The following GRK5 variants were observed in gnomAD, a reference collection of about 807,000 sequenced individuals.
GRK5 encodes G protein-coupled receptor kinase 5, also known as g protein-coupled receptor kinase GRK5.
In GRK5, 40 loss-of-function variants were observed where a neutral mutation model predicts 78.4. That is an observed-to-expected ratio of 0.51 (90% CI 0.40 to 0.66). GRK5 has a LOEUF of 0.66. Ranked by LOEUF, GRK5 falls within the 30% of genes least tolerant of loss-of-function variation. The probability of loss-of-function intolerance (pLI) is 0.00; values close to 1 mark genes in which losing one functional copy is unlikely to be tolerated. For synonymous variants in GRK5, 289 were observed against 296.8 expected (o/e 0.97, Z 0.27); for missense variants, 598 against 759.9 (o/e 0.79, Z 2.50).
intron 2 of GRK5, chr10:119,330,209 A>G (rs1250552005): frequency 2.0e-5 from 3 of 152,088 alleles, no homozygotes; most frequent in Non-Finnish European, 4.4e-5. Flanking sequence ...GCTTTAACAA[A>G]TACCCACAGA....
chr10:119,321,394 T>A (rs1188959145), intron 1 of GRK5, among the ~76,000 whole-genome samples: 2 of 152,108 alleles, frequency 1.3e-5, no homozygotes, highest in Non-Finnish European at 1.5e-5. Context: ...CTCAGTGAGT[T>A]AAAGTCAAGG....
rs1032356206 is a variant in GRK5 at position 119,264,356 on chromosome 10, G to A, written c.52+56387G>A. Among the ~76,000 whole-genome samples, 8 of 152,182 alleles carry A rather than the reference G, an allele frequency of 5.3e-5. No individual in the cohort carries two copies. The highest frequency in any genetic ancestry group is 7.3e-5 in the Non-Finnish European group (5 of 68,032). On this transcript the variant is annotated intron_variant, in intron 1 of 15. Coordinates refer to ENST00000392870, the MANE Select transcript of GRK5 (RefSeq NM_005308.3). The surrounding 1 kb of genome is among the most constrained non-coding windows in gnomAD (Gnocchi z 4.1). The stretch of plus-strand genomic sequence containing the variant: ...ACATGTGCTTGGGAAGTTGAGTCCT[G>A]GGTGGGGCTCAAGTCCTACCATCTG...
chr10:119,224,874 A>G (rs764550014), intron 1 of GRK5, among the ~76,000 whole-genome samples: 63 of 152,340 alleles, frequency 4.1e-4, no homozygotes, highest in Non-Finnish European at 7.2e-4. Flanking sequence ...CTCCTCTCCA[A>G]GCAAAACCAT....
chr10:119,209,067 C>T (rs1413028429), intron 1 of GRK5, among the ~76,000 whole-genome samples: 2 of 152,140 alleles, frequency 1.3e-5, no homozygotes, highest in Non-Finnish European at 2.9e-5. Context: ...CGGTGAGCAG[C>T]CCATGAAAAT....
In GRK5 at chr10:119,436,823, G is replaced by A. The variant is rs2230349; in HGVS notation, c.911G>A (p.Arg304His). 172,437 of 1,608,038 alleles carry A rather than the reference G, an allele frequency of 0.11. 10,752 individuals carry two copies. The highest frequency in any genetic ancestry group is 0.26 in the East Asian group (11,534 of 44,748). The change falls in exon 9 of 16, where the codon CGT becomes CAT. Residue 304 changes from arginine to histidine, a missense_variant. Physicochemically the swap from Arg to His is conservative, Grantham distance 29. Transcript: ENST00000392870. ...CTCTGCGGCTTAGAAGACCTCCACCGTGAGAACACCGTCTACCGGTGAGTG... is the reference window on the plus strand; with the variant it reads ...CTCTGCGGCTTAGAAGACCTCCACCATGAGAACACCGTCTACCGGTGAGTG... ...EILCGLEDLH[R>H]ENTVYRDLKP...
intron 1 of GRK5, among the ~76,000 whole-genome samples, chr10:119,218,904 T>C (rs1326357170): frequency 6.9e-6 from 1 of 144,140 alleles, no homozygotes; most frequent in Non-Finnish European, 1.5e-5. Context: ...TGAAACTTTT[T>C]TTTTTTTTTT....
chr10:119,316,650 C>T (rs1850492249), intron 1 of GRK5, among the ~76,000 whole-genome samples: 1 of 152,200 alleles, frequency 6.6e-6, no homozygotes, highest in Non-Finnish European at 1.5e-5. Flanking sequence ...AAAAGATACC[C>T]AAACCCTTGA....
chr10:119,369,423 A>G (rs776681561), intron 2 of GRK5, among the ~76,000 whole-genome samples: 5 of 152,186 alleles, frequency 3.3e-5, no homozygotes, highest in Non-Finnish European at 7.4e-5. Context: ...CAGGCCACGC[A>G]GGGTAAAACA....
intron 3 of GRK5, among the ~76,000 whole-genome samples, chr10:119,391,313 C>G (rs1377705368): frequency 6.6e-6 from 1 of 151,942 alleles, no homozygotes; most frequent in East Asian, 1.9e-4. Context: ...CCCTGGGGGA[C>G]ACCCCCATCA....
chr10:119,221,899 A>G (rs542041917), intron 1 of GRK5, among the ~76,000 whole-genome samples: 210 of 152,270 alleles, frequency 1.4e-3, no homozygotes, highest in African/African-American at 4.7e-3. Flanking sequence ...TATGGTATTC[A>G]AAGTTTGAAT....
chr10:119,223,575 A>C (rs905827411), intron 1 of GRK5, among the ~76,000 whole-genome samples: 1 of 152,056 alleles, frequency 6.6e-6, no homozygotes, highest in Non-Finnish European at 1.5e-5. Context: ...GGGTCCCCAA[A>C]TAGGACTCTG....
chr10:119,392,858 C>A (rs1375677403), intron 3 of GRK5, among the ~76,000 whole-genome samples: 1 of 152,230 alleles, frequency 6.6e-6, no homozygotes, highest in African/African-American at 2.4e-5. Flanking sequence ...TCATTGAAAT[C>A]ATTGGCTGCT....
At chr10:119,386,414 AGCCAC>A (rs1443773058) in intron 3 of GRK5, among the ~76,000 whole-genome samples, 4 of 152,210 alleles carry the variant, frequency 2.6e-5, no homozygotes, top group African/African-American at 9.6e-5. Context: ...GGAATTTTCC[AGCCAC>A]GTGTTTTGTT....
chr10:119,360,320 C>T (rs914430865), intron 2 of GRK5, among the ~76,000 whole-genome samples: 2 of 152,242 alleles, frequency 1.3e-5, no homozygotes, highest in Non-Finnish European at 2.9e-5. Flanking sequence ...GTGCCTTTGG[C>T]TTCTCTTTAG....
intron 4 of GRK5, among the ~76,000 whole-genome samples, chr10:119,416,609 G>A (rs1398608824): frequency 6.8e-6 from 1 of 148,012 alleles, no homozygotes; most frequent in Non-Finnish European, 1.5e-5. Flanking sequence ...TTTTTAATTT[G>A]AGACTGCTTC....
chr10:119,431,838 G>C lies in GRK5; in HGVS notation c.738+311G>C, dbSNP rs1223496343. On this transcript the variant is annotated intron_variant, in intron 8 of 15. Transcript: ENST00000392870. This position sits in a 1 kb window ranked among gnomAD's most constrained non-coding sequence, Gnocchi z 4.8. ...CTCAGTGGACAAAGAAAGTTCACCT[G>C]GGCCCAGGCTGGGAGCTGTGGGTTC... 6.6e-6 allele frequency among the ~76,000 whole-genome samples: 1 copy of C among 152,214 alleles called. No individual in the cohort carries two copies. Among genetic ancestry groups the C allele is most frequent in the Non-Finnish European group, 1.5e-5 (1 of 68,024 alleles).
rs1589773919 is a variant in GRK5, at chr10:119,379,140, G to A, written c.149-1675G>A. 6.6e-6 allele frequency among the ~76,000 whole-genome samples: 1 copy of A among 152,224 alleles called. No homozygotes were observed. The highest frequency in any genetic ancestry group is 1.9e-4 in the East Asian group (1 of 5,200). ...CAGACCAAATTATCACATCCATAACGATGAGAAATGGGGTTTATTAATGTG... is the reference window on the plus strand; with the variant it reads ...CAGACCAAATTATCACATCCATAACAATGAGAAATGGGGTTTATTAATGTG... On this transcript the variant is annotated intron_variant, in intron 2 of 15. Transcript: ENST00000392870. The surrounding 1 kb of genome is among the most constrained non-coding windows in gnomAD (Gnocchi z 4.1).
At chr10:119,421,766 G>A (rs10886478) in intron 4 of GRK5, among the ~76,000 whole-genome samples, 57,501 of 152,120 alleles carry the variant, frequency 0.38, 12,509 homozygotes, top group Admixed American at 0.48. Context: ...AGCCTCTCAG[G>A]CCTGGCTCAG....
chr10:119,372,365 G>C (rs1262926024), intron 2 of GRK5, among the ~76,000 whole-genome samples: 1 of 152,240 alleles, frequency 6.6e-6, no homozygotes, highest in African/African-American at 2.4e-5. Flanking sequence ...GGTGGAGGCT[G>C]AGGACAGAAG....
Sources: allele counts gnomAD v4.1 joint callset (sites outside exome capture counted in the v4.1 genomes callset), GRCh38; gene constraint gnomAD v4.1.1; non-coding constraint Gnocchi (gnomAD v3.1); transcripts MANE v1.5; gene names NCBI Gene and HGNC (gene_info 2026-07-23, HGNC 2026-07-21).